Variants in ALDH6A1 observed in about 807,000 individuals in gnomAD.
ALDH6A1 encodes methylmalonate-semialdehyde/malonate-semialdehyde dehydrogenase [acylating], mitochondrial.
A neutral mutation model predicts 62.6 loss-of-function variants in ALDH6A1; 43 were observed. The ratio of observed to expected loss-of-function variants is 0.69; its 90% CI spans 0.54 to 0.89. ALDH6A1 has a LOEUF of 0.89. Ranked by LOEUF, ALDH6A1 falls within the 40% of genes least tolerant of loss-of-function variation. ALDH6A1 has a pLI of 0.00. For missense variants in ALDH6A1, 551 were observed against 661.3 expected (o/e 0.83, Z 1.83); for synonymous variants, 194 against 234.2 (o/e 0.83, Z 1.57).
At position 74,066,892 on chromosome 14, in the gene ALDH6A1, AAAC is replaced by A; in HGVS notation, c.1043-9_1043-7del. On this transcript the variant is annotated splice_region_variant and splice_polypyrimidine_tract_variant and intron_variant, in intron 8 of 11. Coordinates refer to ENST00000553458, the MANE Select transcript of ALDH6A1 (RefSeq NM_005589.4). Reference sequence around the variant, plus strand: ...ATCAGCTCCAGGCTGATCTCCTGTAAAACAACACAGAAGAATTTAAGGTCCTCA... The same window carrying A: ...ATCAGCTCCAGGCTGATCTCCTGTAAAACACAGAAGAATTTAAGGTCCTCA... The A allele has an allele frequency of 6.2e-7, 1 of 1,613,088 alleles. No homozygotes were observed. Among genetic ancestry groups the A allele is most frequent in the Non-Finnish European group, 8.5e-7 (1 of 1,179,112 alleles).
chr14:74,061,488 A>C (rs575658424), intron 11 of ALDH6A1, among the ~76,000 whole-genome samples: 37 of 151,812 alleles, frequency 2.4e-4, no homozygotes, highest in Admixed American at 9.2e-4. Context: ...TTTAGTAGAG[A>C]AGGGCTAATT....
intron 9 of ALDH6A1, chr14:74,065,786 A>T (rs546403678): frequency 9.9e-6 from 2 of 201,932 alleles, no homozygotes; most frequent in South Asian, 1.7e-4. Flanking sequence ...TGTAACATAA[A>T]TAATCCATTC....
chr14:74,060,612 G>T lies in ALDH6A1; in HGVS notation c.*30C>A. On this transcript the variant is annotated 3_prime_UTR_variant, in exon 12 of 12. Coordinates refer to ENST00000553458, the MANE Select transcript of ALDH6A1 (RefSeq NM_005589.4). ...GTCAAAAATAAAGGGAGATTACTCA[G>T]GATGGAGTCAGTCTTAAACAAACTT... is the stretch of plus-strand genomic sequence containing the variant. 6.9e-7 allele frequency: 1 copy of T among 1,445,246 alleles called. No individual in the cohort carries two copies. Among genetic ancestry groups the T allele is most frequent in the Non-Finnish European group, 9.7e-7 (1 of 1,026,028 alleles). 89.5% of individuals were successfully genotyped at this position (1,445,246 alleles called of 1,614,324 possible). A position where few individuals can be genotyped will look rare whatever the true frequency, so the allele number is the denominator to read the frequency against.
Position 74,072,276 on chromosome 14 carries a change from G to A in ALDH6A1, c.275C>T (p.Ala92Val). 1 of 1,614,250 alleles carries A rather than the reference G, an allele frequency of 6.2e-7. No individual in the cohort carries two copies. The highest frequency in any genetic ancestry group is 8.5e-7 in the Non-Finnish European group (1 of 1,180,050). ...AIASCKRAFPAWADTSVLSRQ... is the reference protein window; with the variant it reads ...AIASCKRAFPVWADTSVLSRQ... ...GCTTAATACTGAAGTGTCTGCCCATGCAGGAAAAGCACGTTTGCAGGAAGC... is the reference window on the plus strand; with the variant it reads ...GCTTAATACTGAAGTGTCTGCCCATACAGGAAAAGCACGTTTGCAGGAAGC... The change falls in exon 4 of 12, where the codon GCA (alanine) becomes GTA (valine). Residue 92 changes from alanine (A) to valine (V), a missense_variant. Coordinates refer to ENST00000553458, the MANE Select transcript of ALDH6A1 (RefSeq NM_005589.4).
chr14:74,068,521 A>G (rs1042394845), intron 7 of ALDH6A1, among the ~76,000 whole-genome samples: 1 of 152,134 alleles, frequency 6.6e-6, no homozygotes, highest in African/African-American at 2.4e-5. Flanking sequence ...CGGGCAGATC[A>G]TGAGGTCAGG....
chr14:74,084,007 G>A (rs1018665048), intron 1 of ALDH6A1, among the ~76,000 whole-genome samples: 31 of 152,148 alleles, frequency 2.0e-4, no homozygotes, highest in African/African-American at 7.0e-4. Context: ...CTGGTGCAGA[G>A]GTAAAAAGGA....
chr14:74,068,805 T>C (rs1190880683), intron 7 of ALDH6A1, 55 bp downstream of exon 7: 14 of 1,599,900 alleles, frequency 8.8e-6, no homozygotes, highest in Non-Finnish European at 1.2e-5. Context: ...GGTCTGTTCC[T>C]AGGTAATTTT....
intron 11 of ALDH6A1, chr14:74,064,604 T>C: frequency 7.5e-7 from 1 of 1,341,094 alleles, no homozygotes; most frequent in Non-Finnish European, 1.1e-6. Flanking sequence ...TTCCCCATGC[T>C]CTTTCCTCAA....
At chr14:74,067,624 T>G in intron 7 of ALDH6A1, 55 bp from the exon 8 acceptor site, 1 of 1,583,650 alleles carries the variant, frequency 6.3e-7, no homozygotes, top group Non-Finnish European at 8.6e-7. Context: ...ACAACTAAGC[T>G]AAGAAATTAA....
chr14:74,072,672 G>T (rs972233253), intron 2 of ALDH6A1, 61 bp from the exon 3 acceptor site: 1 of 1,569,034 alleles, frequency 6.4e-7, no homozygotes. Flanking sequence ...TTAGCTAATT[G>T]CTTTGCTTTT....
chr14:74,084,257 G>A (rs2060700040), intron 1 of ALDH6A1, 90 bp downstream of exon 1: 2 of 1,591,300 alleles, frequency 1.3e-6, no homozygotes, highest in Non-Finnish European at 1.7e-6. Context: ...GTTGGGCCAA[G>A]AAGGTGGTCC....
Position 74,060,000 on chromosome 14 carries a change from G to A in ALDH6A1, c.*642C>T, listed in dbSNP as rs4646864. ...CTTGTGTATTGTGGGATAAAAGAGGGGCTAAAGAAAACTTTGCAGGAGGTC... is the reference window on the plus strand; with the variant it reads ...CTTGTGTATTGTGGGATAAAAGAGGAGCTAAAGAAAACTTTGCAGGAGGTC... On this transcript the variant is annotated 3_prime_UTR_variant, in exon 12 of 12. Transcript: ENST00000553458. 0.068 allele frequency: 10,521 copies of A among 154,390 alleles called. 561 individuals are homozygous for A. Among genetic ancestry groups the A allele is most frequent in the South Asian group, 0.25 (1,268 of 4,976 alleles). 9.6% of individuals were successfully genotyped at this position (154,390 alleles called of 1,614,324 possible).
intron 1 of ALDH6A1, among the ~76,000 whole-genome samples, chr14:74,081,426 T>C (rs1157381265): frequency 6.6e-6 from 1 of 152,224 alleles, no homozygotes; most frequent in African/African-American, 2.4e-5. Context: ...ATTTTTTCAC[T>C]TGTATACAGC....
intron 2 of ALDH6A1, among the ~76,000 whole-genome samples, chr14:74,073,393 T>C (rs571655689): frequency 5.3e-5 from 8 of 151,736 alleles, no homozygotes; most frequent in Non-Finnish European, 7.4e-5. Context: ...GCGTGAGTCA[T>C]CGTGCCCAGA....
chr14:74,071,597 T>A lies in ALDH6A1; in HGVS notation c.428-100A>T, dbSNP rs547353804. On this transcript the variant is annotated intron_variant, in intron 5 of 11. Coordinates refer to ENST00000553458, the MANE Select transcript of ALDH6A1 (RefSeq NM_005589.4). Reference sequence around the variant, plus strand: ...GAGGACAGGAAGTGGTTCAGGCCAATGAAGGGGTGCAGGGTACACTGACTT... The same window carrying A: ...GAGGACAGGAAGTGGTTCAGGCCAAAGAAGGGGTGCAGGGTACACTGACTT... 8 of 1,602,730 alleles carry A rather than the reference T, an allele frequency of 5.0e-6. No individual in the cohort carries two copies. In the East Asian group the frequency reaches 1.6e-4, roughly 31 times the overall value.
At chr14:74,068,777 A>G in intron 7 of ALDH6A1, 83 bp downstream of exon 7, 1 of 1,480,646 alleles carries the variant, frequency 6.8e-7, no homozygotes, top group Non-Finnish European at 9.4e-7. Flanking sequence ...GAGTGGGATG[A>G]GTGGCCTCTC....
intron 11 of ALDH6A1, among the ~76,000 whole-genome samples, chr14:74,062,259 G>A (rs2060363169): frequency 6.6e-6 from 1 of 151,858 alleles, no homozygotes. Context: ...GTTGTACTCT[G>A]TTTTGCTTAA....
At chr14:74,071,685 T>G in intron 5 of ALDH6A1, 188 bp from the exon 6 acceptor site, 1 of 1,499,948 alleles carries the variant, frequency 6.7e-7, no homozygotes, top group Non-Finnish European at 9.0e-7. Flanking sequence ...TACAGCGATA[T>G]GTATATACCC....
intron 6 of ALDH6A1, among the ~76,000 whole-genome samples, chr14:74,070,056 G>A (rs1224121801): frequency 6.6e-6 from 1 of 151,692 alleles, no homozygotes. Context: ...GCCCAGGCTG[G>A]TCTCGAACTC....
Sources: gnomAD v4.1 joint callset for allele counts (sites outside exome capture counted in the v4.1 genomes callset) on GRCh38, gnomAD v4.1.1 for gene constraint, MANE v1.5 for transcripts, NCBI Gene and HGNC (gene_info 2026-07-23, HGNC 2026-07-21) for gene names.